ANXA8: variants seen among roughly 807,000 people sequenced by gnomAD.
The protein encoded by ANXA8 is VAC-beta.
In ANXA8, 9 loss-of-function variants were observed where a neutral mutation model predicts 26.8. The observed-to-expected ratio is 0.34, with a 90% confidence interval of 0.20 to 0.59. The LOEUF is 0.59. ANXA8 is among the 20% of genes least tolerant of loss of function. The pLI, the probability that ANXA8 is intolerant of heterozygous loss-of-function variation, is 0.84. For missense variants in ANXA8, 83 were observed against 238.5 expected (o/e 0.35, Z 4.29); for synonymous variants, 39 against 94.8 (o/e 0.41, Z 3.42).
At chr10:47,489,066 G>A (rs1276742816), upstream of ANXA8, among the ~76,000 whole-genome samples, 1 of 148,296 alleles carries the variant, frequency 6.7e-6, no homozygotes, top group Non-Finnish European at 1.5e-5. Flanking sequence ...AGCCCAGGCT[G>A]GAGTGCAGTG....
At chr10:47,507,622 C>A in the ANXA8 span, 2 of 1,529,270 alleles carry the variant, frequency 1.3e-6, no homozygotes, top group African/African-American at 2.9e-5. Context: ...TAGATGTTAT[C>A]ATTTGTTAGG....
At chr10:47,705,005 C>T in the ANXA8 span, among the ~76,000 whole-genome samples, 2 of 152,074 alleles carry the variant, frequency 1.3e-5, no homozygotes. Context: ...GTGGCTCATG[C>T]CTGTAATGCC....
the ANXA8 span, among the ~76,000 whole-genome samples, chr10:47,700,635 A>G: frequency 6.6e-6 from 1 of 151,670 alleles, no homozygotes; most frequent in Non-Finnish European, 1.5e-5. Context: ...GGGGCAGTAG[A>G]AGATAAACTG....
the ANXA8 span, chr10:47,565,589 C>A: frequency 3.4e-6 from 1 of 295,054 alleles, no homozygotes; most frequent in South Asian, 1.2e-4. Flanking sequence ...CGCGCCCAGG[C>A]ACGCCCACGG....
At chr10:47,474,254 T>C in intron 8 of ANXA8, 51 bp downstream of exon 8, 4 of 1,582,088 alleles carry the variant, frequency 2.5e-6, no homozygotes, top group East Asian at 3.3e-5. Flanking sequence ...GAGAGGCTCA[T>C]GGCCAGGACA....
upstream of ANXA8, among the ~76,000 whole-genome samples, chr10:47,486,517 A>G: frequency 7.3e-6 from 1 of 136,998 alleles, no homozygotes; most frequent in Non-Finnish European, 1.6e-5. Context: ...CATCATGAGG[A>G]CCTATCCAAC....
the ANXA8 span, among the ~76,000 whole-genome samples, chr10:47,639,314 A>ATTTT: frequency 1.9e-4 from 14 of 75,362 alleles, no homozygotes; most frequent in Admixed American, 1.5e-4. Flanking sequence ...TATTATTATT[A>ATTTT]TTTTTTTTTT....
the ANXA8 span, among the ~76,000 whole-genome samples, chr10:47,556,827 C>T: frequency 6.9e-6 from 1 of 145,738 alleles, no homozygotes. Context: ...TATATTTTTC[C>T]AATATCAGCT....
the ANXA8 span, among the ~76,000 whole-genome samples, chr10:47,553,819 G>A: frequency 1.3e-5 from 2 of 149,018 alleles, no homozygotes; most frequent in Admixed American, 6.8e-5. Flanking sequence ...GCCTGGCGCG[G>A]GTTACTTGAT....
chr10:47,694,110 T>A, the ANXA8 span, among the ~76,000 whole-genome samples: 8 of 151,948 alleles, frequency 5.3e-5, no homozygotes, highest in South Asian at 1.7e-3. Flanking sequence ...TCTATAGTTG[T>A]TAACGACTAG....
the ANXA8 span, among the ~76,000 whole-genome samples, chr10:47,958,688 T>A: frequency 6.8e-6 from 1 of 147,804 alleles, no homozygotes; most frequent in Non-Finnish European, 1.5e-5. Flanking sequence ...TTAGTCCTTT[T>A]TCATGCTGCT....
At chr10:47,566,538 C>T in the ANXA8 span, among the ~76,000 whole-genome samples, 1 of 150,168 alleles carries the variant, frequency 6.7e-6, no homozygotes, top group Non-Finnish European at 1.5e-5. Context: ...TGCGGCCAGC[C>T]CTCCACCAGC....
At chr10:47,691,067 A>T in the ANXA8 span, 1 of 1,611,012 alleles carries the variant, frequency 6.2e-7, no homozygotes, top group Non-Finnish European at 8.5e-7. Context: ...ATGCCATGTG[A>T]AGGAAATAAA....
the ANXA8 span, among the ~76,000 whole-genome samples, chr10:47,628,699 C>T: frequency 6.7e-5 from 10 of 149,742 alleles, no homozygotes; most frequent in Non-Finnish European, 1.2e-4. Context: ...GCTCTTGTTG[C>T]CTATAATATT....
the ANXA8 span, among the ~76,000 whole-genome samples, chr10:47,956,736 C>T: frequency 1.3e-5 from 2 of 150,354 alleles, no homozygotes; most frequent in Non-Finnish European, 2.9e-5. Flanking sequence ...TGAGCCCTGT[C>T]CTGTGTCCTT....
the ANXA8 span, among the ~76,000 whole-genome samples, chr10:47,595,826 C>T: frequency 4.0e-5 from 6 of 148,302 alleles, no homozygotes; most frequent in Non-Finnish European, 7.4e-5. Flanking sequence ...AACTTCAACA[C>T]TCCACTGACA....
At chr10:47,686,225 C>CTTT in the ANXA8 span, among the ~76,000 whole-genome samples, 2 of 122,934 alleles carry the variant, frequency 1.6e-5, no homozygotes. Flanking sequence ...GCTCCTATCA[C>CTTT]TTTTTTTTTT....
chr10:47,686,153 G>C, the ANXA8 span, among the ~76,000 whole-genome samples: 7 of 151,354 alleles, frequency 4.6e-5, no homozygotes, highest in Admixed American at 3.3e-4. Flanking sequence ...TTCCACATTG[G>C]TTGAACTGCC....
the ANXA8 span, among the ~76,000 whole-genome samples, chr10:47,939,759 T>C: frequency 7.2e-6 from 1 of 138,176 alleles, no homozygotes; most frequent in African/African-American, 2.9e-5. Context: ...GCTTGGACTA[T>C]GTCAAGAACC....
Sources: allele counts gnomAD v4.1 joint callset (sites outside exome capture counted in the v4.1 genomes callset), GRCh38; gene constraint gnomAD v4.1.1; transcripts MANE v1.5; gene names NCBI Gene and HGNC (gene_info 2026-07-23, HGNC 2026-07-21).